ALCAM: variants seen among roughly 807,000 people sequenced by gnomAD.
ALCAM encodes the protein CD166 antigen.
In ALCAM, 30 loss-of-function variants were observed where a neutral mutation model predicts 70.9. The observed-to-expected ratio is 0.42, with a 90% CI of 0.32 to 0.57. ALCAM has a LOEUF of 0.57. ALCAM is among the 20% of genes least tolerant of loss of function. ALCAM has a pLI of 0.11. For missense variants in ALCAM, 591 were observed against 695.1 expected (o/e 0.85, Z 1.68); for synonymous variants, 249 against 242.5 (o/e 1.03, Z -0.25).
chr3:105,414,284 T>C (rs1021653340), intron 1 of ALCAM, among the ~76,000 whole-genome samples: 21 of 150,104 alleles, frequency 1.4e-4, no homozygotes, highest in Non-Finnish European at 3.1e-4. Flanking sequence ...GGTGTGGTGC[T>C]GCGCACCTAT....
At chr3:105,436,552 C>A (rs998896789) in intron 1 of ALCAM, among the ~76,000 whole-genome samples, 3 of 152,090 alleles carry the variant, frequency 2.0e-5, no homozygotes, top group Non-Finnish European at 2.9e-5. Context: ...TGGTCTTGAT[C>A]TCCTGACCTC....
chr3:105,392,460 CT>C (rs1423812734), intron 1 of ALCAM, among the ~76,000 whole-genome samples: 2 of 151,302 alleles, frequency 1.3e-5, no homozygotes, highest in Non-Finnish European at 3.0e-5. Context: ...ATTGTTCTCT[CT>C]TTTTTTCTTT....
chr3:105,419,828 A>G (rs1430422231), intron 1 of ALCAM, among the ~76,000 whole-genome samples: 1 of 151,800 alleles, frequency 6.6e-6, no homozygotes, highest in East Asian at 1.9e-4. Flanking sequence ...ATAGTGACAT[A>G]CAAGTAATTA....
At chr3:105,438,708 G>A (rs1937106403) in intron 1 of ALCAM, among the ~76,000 whole-genome samples, 1 of 152,062 alleles carries the variant, frequency 6.6e-6, no homozygotes, top group Non-Finnish European at 1.5e-5. Flanking sequence ...CAATCATGTT[G>A]CTACAGATAT....
chr3:105,466,042 C>T (rs1410938705), intron 1 of ALCAM, among the ~76,000 whole-genome samples: 3 of 151,338 alleles, frequency 2.0e-5, no homozygotes, highest in African/African-American at 4.8e-5. Context: ...GAAAGCAGTC[C>T]TTATACACAG....
intron 1 of ALCAM, among the ~76,000 whole-genome samples, chr3:105,369,290 A>AG (rs34688792): frequency 6.6e-6 from 1 of 152,084 alleles, no homozygotes; most frequent in South Asian, 2.1e-4. Context: ...AACTGCTAAA[A>AG]GGGGGAAAGT....
Position 105,467,689 on chromosome 3 carries a change from T to TA in ALCAM, c.74-52377dup, listed in dbSNP as rs1203369368. Among the ~76,000 whole-genome samples the TA allele has an allele frequency of 6.6e-5, 10 of 151,422 alleles. No individual in the cohort carries two copies. In the East Asian group the frequency reaches 1.9e-3, roughly 29 times the overall value. On this transcript the variant is annotated intron_variant, in intron 1 of 15. Coordinates refer to ENST00000306107, the MANE Select transcript of ALCAM (RefSeq NM_001627.4). ...TCAGAAGTGATTAGGGTGTGGTTTC[T>TA]ACATTTTCATGTTGGTTCTTACTGA... is the stretch of plus-strand genomic sequence containing the variant.
At chr3:105,539,938 G>A in intron 6 of ALCAM, 37 bp from the exon 7 acceptor site, 3 of 1,607,176 alleles carry the variant, frequency 1.9e-6, no homozygotes, top group Non-Finnish European at 2.6e-6. Context: ...TTCGGTACTT[G>A]ACAAAAATGG....
intron 1 of ALCAM, among the ~76,000 whole-genome samples, chr3:105,417,304 A>G (rs955615100): frequency 3.3e-5 from 5 of 151,788 alleles, no homozygotes; most frequent in Admixed American, 2.0e-4. Flanking sequence ...TTATACTTTT[A>G]CACTACATTC....
intron 11 of ALCAM, among the ~76,000 whole-genome samples, chr3:105,549,547 T>G (rs1018696178): frequency 1.3e-4 from 19 of 151,274 alleles, no homozygotes; most frequent in African/African-American, 4.6e-4. Flanking sequence ...TTGAAGGAAT[T>G]AAATGCAGTG....
chr3:105,497,043 G>T (rs1938765205), intron 1 of ALCAM, among the ~76,000 whole-genome samples: 1 of 151,868 alleles, frequency 6.6e-6, no homozygotes, highest in African/African-American at 2.4e-5. Context: ...CTCTATTTTT[G>T]AATCTAATCA....
chr3:105,452,265 G>A (rs1322019786), intron 1 of ALCAM, among the ~76,000 whole-genome samples: 22 of 152,024 alleles, frequency 1.4e-4, no homozygotes, highest in Non-Finnish European at 2.8e-4. Context: ...TCCCCTCTCT[G>A]TGTCCATGTG....
intron 1 of ALCAM, among the ~76,000 whole-genome samples, chr3:105,443,836 A>C (rs1162279264): frequency 6.6e-6 from 1 of 152,248 alleles, no homozygotes; most frequent in Non-Finnish European, 1.5e-5. Flanking sequence ...GAGATGAATC[A>C]AATGTTTCTA....
intron 14 of ALCAM, among the ~76,000 whole-genome samples, chr3:105,561,960 G>A (rs1168246882): frequency 6.6e-6 from 1 of 152,150 alleles, no homozygotes; most frequent in Non-Finnish European, 1.5e-5. Context: ...GTTTTCACTA[G>A]GCATTATGAC....
At chr3:105,370,210 A>G (rs1178362989) in intron 1 of ALCAM, among the ~76,000 whole-genome samples, 3 of 152,230 alleles carry the variant, frequency 2.0e-5, no homozygotes, top group Non-Finnish European at 4.4e-5. Context: ...GGAAAGCATC[A>G]ACTCAAATAA....
At chr3:105,385,789 T>G (rs1935636806) in intron 1 of ALCAM, among the ~76,000 whole-genome samples, 1 of 151,678 alleles carries the variant, frequency 6.6e-6, no homozygotes, top group Non-Finnish European at 1.5e-5. Flanking sequence ...TTTGTCTGCT[T>G]AATTCTATAG....
At chr3:105,412,621 A>C (rs929599371) in intron 1 of ALCAM, among the ~76,000 whole-genome samples, 11 of 152,132 alleles carry the variant, frequency 7.2e-5, no homozygotes, top group Non-Finnish European at 1.3e-4. Flanking sequence ...TTTACACGTG[A>C]GATGATTTAC....
intron 1 of ALCAM, among the ~76,000 whole-genome samples, chr3:105,470,553 A>G (rs926635718): frequency 6.6e-6 from 1 of 151,212 alleles, no homozygotes; most frequent in Non-Finnish European, 1.5e-5. Flanking sequence ...GTTGGTATAA[A>G]GTTATTATAA....
rs78484526 is a variant in ALCAM at position 105,425,915 on chromosome 3, C to G, written c.73+58434C>G. The stretch of plus-strand genomic sequence containing the variant: ...GGTGATTTGTTCCTCTCTTAAAGAG[C>G]GAACAGGCGCTCTTTCAAATGGAGA... On this transcript the variant is annotated intron_variant, in intron 1 of 15. Transcript: ENST00000306107. Among the ~76,000 whole-genome samples the G allele has an allele frequency of 8.4e-3, 1,279 of 151,814 alleles. 12 individuals carry two copies. The highest frequency in any genetic ancestry group is 0.029 in the African/African-American group (1,219 of 41,438).
Sources: gnomAD v4.1 joint callset for allele counts (sites outside exome capture counted in the v4.1 genomes callset) on GRCh38, gnomAD v4.1.1 for gene constraint, MANE v1.5 for transcripts, NCBI Gene and HGNC (gene_info 2026-07-23, HGNC 2026-07-21) for gene names.